ADCY2: variants seen among roughly 807,000 people sequenced by gnomAD.
ADCY2 encodes adenylate cyclase 2, also known as adenylate cyclase type 2.
A neutral mutation model predicts 125.2 loss-of-function variants in ADCY2; 31 were observed. That is an observed-to-expected ratio of 0.25 (90% CI 0.19 to 0.33). ADCY2 has a LOEUF of 0.33. ADCY2 is among the 10% of genes least tolerant of loss of function. The pLI, the probability that ADCY2 is intolerant of heterozygous loss-of-function variation, is 1.00. For synonymous variants in ADCY2, 512 were observed against 548.4 expected, an observed-to-expected ratio of 0.93 and a Z score of 0.93; for missense variants, 904 against 1,418.2, an observed-to-expected ratio of 0.64 and a Z score of 5.82.
At position 7,757,567 on chromosome 5, in the gene ADCY2, TGATGGCCGTGTTCAA is replaced by T; in HGVS notation, c.2076_2090del (p.Met692_Asn697delinsIle). 5 of 1,482,476 alleles carry T rather than the reference TGATGGCCGTGTTCAA, an allele frequency of 3.4e-6. No homozygotes were observed. The highest frequency in any genetic ancestry group is 1.2e-5 in the South Asian group (1 of 84,338). 91.8% of individuals were successfully genotyped at this position (1,482,476 alleles called of 1,614,324 possible). A position where few individuals can be genotyped will look rare whatever the true frequency, so the allele number is the denominator to read the frequency against. On this transcript the variant is annotated inframe_deletion, in exon 16 of 25. Coordinates refer to ENST00000338316, the MANE Select transcript of ADCY2 (RefSeq NM_020546.3). ...ATCATCACCACAGCCATCATATTAA[TGATGGCCGTGTTCAA>T]CATGGTAAGTCCCAGAGCACGGCCG...
intron 10 of ADCY2, among the ~76,000 whole-genome samples, chr5:7,710,102 T>A (rs1439497088): frequency 6.6e-6 from 1 of 152,210 alleles, no homozygotes; most frequent in Non-Finnish European, 1.5e-5. Context: ...ACATAATTCT[T>A]ATTGTCTGAT....
At chr5:7,713,419 G>A (rs1422731783) in intron 11 of ADCY2, among the ~76,000 whole-genome samples, 1 of 151,768 alleles carries the variant, frequency 6.6e-6, no homozygotes, top group African/African-American at 2.4e-5. Context: ...ACTTCAACGC[G>A]GGAGGCAGAG....
At chr5:7,420,046 G>T (rs1303634096) in intron 2 of ADCY2, among the ~76,000 whole-genome samples, 1 of 152,162 alleles carries the variant, frequency 6.6e-6, no homozygotes, top group Non-Finnish European at 1.5e-5. Context: ...CTTCTCAAAC[G>T]GGAGCGATTG....
At chr5:7,457,956 C>T (rs1561036715) in intron 2 of ADCY2, among the ~76,000 whole-genome samples, 1 of 152,112 alleles carries the variant, frequency 6.6e-6, no homozygotes, top group Non-Finnish European at 1.5e-5. Context: ...TACAAATATG[C>T]CTTTTATTTC....
rs372841965 is a variant in ADCY2, at chr5:7,714,440, C to A, written c.1622+1541C>A. Among the ~76,000 whole-genome samples the A allele has an allele frequency of 3.9e-5, 6 of 152,348 alleles. No homozygotes were observed. In the South Asian group the frequency reaches 6.2e-4, roughly 16 times the overall value. On this transcript the variant is annotated intron_variant, in intron 11 of 24. Coordinates refer to ENST00000338316, the MANE Select transcript of ADCY2 (RefSeq NM_020546.3). ...CAGTCTGGAAGACAATGATAAGAAG[C>A]TGTTGTTTTTATTTGCACTAGGCTA... is the stretch of plus-strand genomic sequence containing the variant.
chr5:7,690,811 C>T lies in ADCY2; in HGVS notation c.841C>T (p.Leu281=). 4 of 1,603,438 alleles carry T rather than the reference C, an allele frequency of 2.5e-6. No homozygotes were observed. The highest frequency in any genetic ancestry group is 3.4e-6 in the Non-Finnish European group (4 of 1,175,778). ...GGAGAACACAAATAACTTCCACAAC[C>T]TGTATGTGAAGCGGCATACAAACGT... The part of the protein sequence containing the change: ...QMENTNNFHN[L]YVKRHTNVSI... Residue 281 remains leucine (L), a synonymous_variant, in exon 5 of 25, where the codon CTG becomes TTG. Transcript: ENST00000338316.
At chr5:7,679,957 A>C (rs1375630867) in intron 4 of ADCY2, among the ~76,000 whole-genome samples, 1 of 152,122 alleles carries the variant, frequency 6.6e-6, no homozygotes, top group Non-Finnish European at 1.5e-5. Context: ...GATGGTGTAC[A>C]TCCTAGTGAT....
At chr5:7,408,205 A>G (rs1739576059) in intron 1 of ADCY2, among the ~76,000 whole-genome samples, 2 of 151,086 alleles carry the variant, frequency 1.3e-5, no homozygotes, top group Admixed American at 6.6e-5. Flanking sequence ...CTCTAGAGGG[A>G]AGGGGATTCT....
chr5:7,689,643 TA>T (rs1740641715), intron 4 of ADCY2, among the ~76,000 whole-genome samples: 1 of 151,994 alleles, frequency 6.6e-6, no homozygotes. Context: ...GACAAAGAGA[TA>T]GACACCTGAC....
chr5:7,510,179 A>C (rs1444742881), intron 2 of ADCY2, among the ~76,000 whole-genome samples: 1 of 152,250 alleles, frequency 6.6e-6, no homozygotes, highest in Non-Finnish European at 1.5e-5. Context: ...TTATTTTAAA[A>C]TCAACTTGGT....
At chr5:7,672,272 A>C (rs1739961474) in intron 4 of ADCY2, among the ~76,000 whole-genome samples, 1 of 152,210 alleles carries the variant, frequency 6.6e-6, no homozygotes, top group South Asian at 2.1e-4. Flanking sequence ...CAAATTATGG[A>C]GATAATAGTA....
chr5:7,765,999 A>G (rs563062735), intron 16 of ADCY2, among the ~76,000 whole-genome samples: 46 of 152,296 alleles, frequency 3.0e-4, no homozygotes, highest in African/African-American at 1.0e-3. Context: ...CTGCCTTGCT[A>G]ACAGGTTGAT....
intron 2 of ADCY2, among the ~76,000 whole-genome samples, chr5:7,477,087 A>G (rs545304386): frequency 6.8e-4 from 104 of 152,296 alleles, no homozygotes; most frequent in Middle Eastern, 6.8e-3. Flanking sequence ...CACACGTAAC[A>G]TTACCTCGCT....
At chr5:7,816,743 T>C (rs1036175955) in intron 22 of ADCY2, 123 bp from the exon 23 acceptor site, 10 of 702,254 alleles carry the variant, frequency 1.4e-5, no homozygotes, top group South Asian at 1.4e-4. Context: ...ATGTTTGCAG[T>C]GCCTTGTAGC....
At chr5:7,807,129 C>G (rs183514707) in intron 22 of ADCY2, among the ~76,000 whole-genome samples, 30 of 152,272 alleles carry the variant, frequency 2.0e-4, no homozygotes, top group African/African-American at 6.0e-4. Flanking sequence ...CGAGGCACCA[C>G]CACATGAAGA....
At chr5:7,493,451 T>A (rs1377755959) in intron 2 of ADCY2, among the ~76,000 whole-genome samples, 1 of 152,064 alleles carries the variant, frequency 6.6e-6, no homozygotes, top group South Asian at 2.1e-4. Context: ...GAAAGAAACA[T>A]AAGCCTGTTT....
At chr5:7,473,643 G>A (rs1370413291) in intron 2 of ADCY2, among the ~76,000 whole-genome samples, 2 of 152,026 alleles carry the variant, frequency 1.3e-5, no homozygotes, top group African/African-American at 4.8e-5. Context: ...TGTACCCTGG[G>A]AATGACAGGG....
intron 11 of ADCY2, among the ~76,000 whole-genome samples, chr5:7,713,810 G>A (rs1465760152): frequency 1.3e-5 from 2 of 152,100 alleles, no homozygotes; most frequent in African/African-American, 4.8e-5. Flanking sequence ...CCCTAAGCCA[G>A]GCTTTCTTTC....
chr5:7,418,914 A>G (rs1309752332), intron 2 of ADCY2, among the ~76,000 whole-genome samples: 1 of 151,934 alleles, frequency 6.6e-6, no homozygotes, highest in Non-Finnish European at 1.5e-5. Flanking sequence ...TGGCCTCCCA[A>G]ACTGCTGGGA....
Sources: allele counts gnomAD v4.1 joint callset (sites outside exome capture counted in the v4.1 genomes callset), GRCh38; gene constraint gnomAD v4.1.1; transcripts MANE v1.5; gene names NCBI Gene and HGNC (gene_info 2026-07-23, HGNC 2026-07-21).